The following DCAF1 variants were observed in gnomAD, a reference collection of about 807,000 sequenced individuals.
The protein encoded by DCAF1 is DDB1 and CUL4 associated factor 1.
A neutral mutation model predicts 128.0 loss-of-function variants in DCAF1; 15 were observed. The observed-to-expected ratio is 0.12, with a 90% confidence interval of 0.08 to 0.18. The LOEUF (loss-of-function observed/expected upper bound fraction) is 0.18. DCAF1 is among the 10% of genes least tolerant of loss of function. The probability of loss-of-function intolerance (pLI) is 1.00; values close to 1 mark genes in which losing one functional copy is unlikely to be tolerated. For missense variants in DCAF1, 988 were observed against 1,649.5 expected (o/e 0.60, Z 6.95); for synonymous variants, 610 against 603.0 (o/e 1.01, Z -0.17).
chr3:51,419,817 C>T lies in DCAF1; in HGVS notation c.3153G>A (p.Thr1051=), dbSNP rs370148513. ...ATGATGCCCTGCGGTTTAGCCTTGA[C>T]GTAAAGTTTATTGGCGCTTGCCGCC... The part of the protein sequence containing the change: ...KQRRQAPINF[T]SRLNRRASFP... Residue 1051 remains threonine (T), a synonymous_variant, in exon 15 of 25, where the codon ACG becomes ACA. Coordinates refer to ENST00000684031, the MANE Select transcript of DCAF1 (RefSeq NM_001387579.1). The T allele has an allele frequency of 2.7e-5, 44 of 1,614,034 alleles. No individual in the cohort carries two copies. The East Asian group carries it at 6.7e-4, about 25-fold the overall frequency.
intron 2 of DCAF1, among the ~76,000 whole-genome samples, chr3:51,493,465 T>C (rs189664243): frequency 1.9e-3 from 282 of 151,296 alleles, no homozygotes; most frequent in Non-Finnish European, 3.5e-3. Context: ...AAAAAAGGAA[T>C]TCAAACAAAG....
chr3:51,486,940 T>C (rs1192710472), intron 2 of DCAF1, among the ~76,000 whole-genome samples: 2 of 143,654 alleles, frequency 1.4e-5, no homozygotes, highest in Admixed American at 7.1e-5. Flanking sequence ...CCTCGATAAA[T>C]ATATTTTTAA....
upstream of DCAF1, among the ~76,000 whole-genome samples, chr3:51,503,116 G>C (rs1180304138): frequency 6.6e-6 from 1 of 152,132 alleles, no homozygotes; most frequent in African/African-American, 2.4e-5. Context: ...GACATCTCTG[G>C]ACTCCGTCTC....
intron 12 of DCAF1, 51 bp downstream of exon 12, chr3:51,429,210 G>A: frequency 1.4e-6 from 1 of 718,246 alleles, no homozygotes; most frequent in Non-Finnish European, 2.6e-6. Context: ...GGACTGAGAT[G>A]CTACAGAGAG....
chr3:51,448,288 CT>C (rs377345348), intron 6 of DCAF1, among the ~76,000 whole-genome samples: 198 of 152,304 alleles, frequency 1.3e-3, no homozygotes, highest in African/African-American at 4.4e-3. Context: ...CATGTTTCAA[CT>C]TCTTTTGTAC....
intron 4 of DCAF1, among the ~76,000 whole-genome samples, chr3:51,467,276 G>A (rs191969929): frequency 6.6e-6 from 1 of 152,126 alleles, no homozygotes; most frequent in Non-Finnish European, 1.5e-5. Context: ...AGGTTGCAGT[G>A]AGCCAAGATT....
chr3:51,470,783 A>C, intron 4 of DCAF1, 146 bp downstream of exon 4: 1 of 491,640 alleles, frequency 2.0e-6, no homozygotes, highest in Non-Finnish European at 3.6e-6. Context: ...AAGGTCTTAA[A>C]ACTTACCACA....
Position 51,483,774 on chromosome 3 carries a change from C to T in DCAF1, c.55G>A (p.Glu19Lys). ...CTGCCATGTTCCTTTTCCCACTGCT[C>T]CAGCAGGGTAGTGAGCTCAGCTTTG... ...DSKAELTTLL[E>K]QWEKEHGSGQ... The change falls in exon 3 of 25, where the codon GAG (glutamate) becomes AAG (lysine). Residue 19 changes from glutamate (E) to lysine (K), a missense_variant. Glu to Lys is a moderately conservative substitution (Grantham distance 56). Transcript: ENST00000684031. 1 of 1,613,756 alleles carries T rather than the reference C, an allele frequency of 6.2e-7. No homozygotes were observed. The highest frequency in any genetic ancestry group is 8.5e-7 in the Non-Finnish European group (1 of 1,179,856).
chr3:51,439,207 C>T (rs1207988993), intron 9 of DCAF1, among the ~76,000 whole-genome samples: 1 of 152,044 alleles, frequency 6.6e-6, no homozygotes, highest in African/African-American at 2.4e-5. Context: ...TAGCTCACTG[C>T]AACCTCCGCC....
At chr3:51,434,741 A>AT (rs1700666784) in intron 9 of DCAF1, among the ~76,000 whole-genome samples, 1 of 152,216 alleles carries the variant, frequency 6.6e-6, no homozygotes, top group South Asian at 2.1e-4. Context: ...TTTTAAATAG[A>AT]TGTCTTAAAG....
intron 3 of DCAF1, among the ~76,000 whole-genome samples, chr3:51,480,684 C>T (rs1180296520): frequency 2.0e-5 from 3 of 151,406 alleles, no homozygotes; most frequent in Admixed American, 1.3e-4. Context: ...TCCTTTTTCT[C>T]ATCCTGTGGG....
chr3:51,409,637 G>A (rs1427523579), intron 23 of DCAF1, among the ~76,000 whole-genome samples: 4 of 152,180 alleles, frequency 2.6e-5, no homozygotes, highest in African/African-American at 9.7e-5. Flanking sequence ...CAAAGCAGTC[G>A]ACAGCCACCC....
intron 2 of DCAF1, among the ~76,000 whole-genome samples, chr3:51,487,980 T>A (rs1707170945): frequency 6.6e-6 from 1 of 152,098 alleles, no homozygotes; most frequent in South Asian, 2.1e-4. Flanking sequence ...TTCTCCTGCC[T>A]CAGCTTCCCG....
intron 3 of DCAF1, among the ~76,000 whole-genome samples, chr3:51,482,508 T>C (rs1308614424): frequency 2.0e-5 from 3 of 151,788 alleles, no homozygotes; most frequent in Non-Finnish European, 2.9e-5. Context: ...CTCACACCTG[T>C]AATCCCAGCA....
rs1249587739 is a variant in DCAF1, at chr3:51,499,632, C to A, written c.-56+241G>T. Among the ~76,000 whole-genome samples, 4 of 152,020 alleles carry A rather than the reference C, an allele frequency of 2.6e-5. No homozygotes were observed. In the East Asian group the frequency reaches 5.8e-4, roughly 22 times the overall value. On this transcript the variant is annotated intron_variant, in intron 1 of 24. Transcript: ENST00000684031. ...GAAGAGTTACTCTCGGGAAGCTTCT[C>A]GTGGGGAGTGGAGGAAGAACGTGGA...
rs374960714 is a variant in DCAF1, at chr3:51,478,008, TTTG to T, written c.110+5708_110+5710del. Among the ~76,000 whole-genome samples, 423 of 152,108 alleles carry T rather than the reference TTTG, an allele frequency of 2.8e-3. 3 individuals are homozygous for T. The highest frequency in any genetic ancestry group is 9.8e-3 in the African/African-American group (408 of 41,506). The stretch of plus-strand genomic sequence containing the variant: ...ATGCATTGTTCCTTATCTGTTAGTT[TTTG>T]TTGTTGTTGTTGTTGAGACAGAGTC... On this transcript the variant is annotated intron_variant, in intron 3 of 24. Transcript: ENST00000684031.
At chr3:51,454,759 C>T (rs868989507) in intron 6 of DCAF1, among the ~76,000 whole-genome samples, 3 of 151,918 alleles carry the variant, frequency 2.0e-5, no homozygotes, top group Admixed American at 6.6e-5. Flanking sequence ...CTGCAAGCTC[C>T]GCCTCCCAGG....
intron 23 of DCAF1, among the ~76,000 whole-genome samples, chr3:51,409,158 C>A (rs1698171345): frequency 6.6e-6 from 1 of 152,154 alleles, no homozygotes; most frequent in Non-Finnish European, 1.5e-5. Flanking sequence ...AGAAGTTAAG[C>A]AGGACAAAAG....
chr3:51,437,885 A>AAAAAAAG (rs144999942), intron 9 of DCAF1, among the ~76,000 whole-genome samples: 2 of 152,142 alleles, frequency 1.3e-5, no homozygotes, highest in Non-Finnish European at 2.9e-5. Context: ...CTACGCCAGA[A>AAAAAAAG]AAAAAAGAAA....
Sources: gnomAD v4.1 joint callset for allele counts (sites outside exome capture counted in the v4.1 genomes callset) on GRCh38, gnomAD v4.1.1 for gene constraint, MANE v1.5 for transcripts, NCBI Gene and HGNC (gene_info 2026-07-23, HGNC 2026-07-21) for gene names.